SCNN1B: variants seen among roughly 807,000 people sequenced by gnomAD.
SCNN1B encodes the protein sodium channel epithelial 1 subunit beta, also known as epithelial sodium channel subunit beta.
A neutral mutation model predicts 65.3 loss-of-function variants in SCNN1B; 46 were observed. That is an observed-to-expected ratio of 0.70 (90% CI 0.56 to 0.90). The LOEUF is 0.90. SCNN1B is among the 40% of genes least tolerant of loss of function. The pLI is 0.00. For missense variants in SCNN1B, 751 were observed against 830.5 expected (o/e 0.90, Z 1.18); for synonymous variants, 349 against 330.6 (o/e 1.06, Z -0.60).
intron 1 of SCNN1B, among the ~76,000 whole-genome samples, chr16:23,308,264 T>A (rs900987503): frequency 6.6e-6 from 1 of 151,968 alleles, no homozygotes; most frequent in Non-Finnish European, 1.5e-5. Flanking sequence ...GGCTCCCACC[T>A]GGAATCCCAG....
At chr16:23,334,135 C>T (rs1463810109) in intron 1 of SCNN1B, among the ~76,000 whole-genome samples, 3 of 152,162 alleles carry the variant, frequency 2.0e-5, no homozygotes, top group Non-Finnish European at 2.9e-5. Context: ...CAACATGCCC[C>T]CAACAGGGTG....
At chr16:23,296,373 A>T (rs1241942408) in intron 2 of SCNN1B, among the ~76,000 whole-genome samples, 1 of 152,182 alleles carries the variant, frequency 6.6e-6, no homozygotes, top group Non-Finnish European at 1.5e-5. Context: ...TGATTTTTAA[A>T]CATTGGTTTG....
In SCNN1B at chr16:23,287,811, C is replaced by CTT. The variant is rs34743456; in HGVS notation, n.178+4020_178+4021dup. Among the ~76,000 whole-genome samples, 978 of 141,882 alleles carry CTT rather than the reference C, an allele frequency of 6.9e-3. 16 individuals carry two copies. The South Asian group carries it at 0.073, about 11-fold the overall frequency. 93.1% of individuals were successfully genotyped at this position (141,882 alleles called of 152,430 possible). A position where few individuals can be genotyped will look rare whatever the true frequency, so the allele number is the denominator to read the frequency against. On this transcript the variant is annotated intron_variant and non_coding_transcript_variant, in intron 2 of 3. Coordinates refer to the SCNN1B transcript ENST00000569789. ...TGGTATTGTAACTAAGTAGCGTTTC[C>CTT]TTTTTTTTTTTTTTAAGAGATGGGG...
chr16:23,305,755 AAAAG>A (rs1483782880), intron 1 of SCNN1B, among the ~76,000 whole-genome samples: 1 of 150,272 alleles, frequency 6.7e-6, no homozygotes, highest in African/African-American at 2.4e-5. Context: ...TCAAAAAAGG[AAAAG>A]AAAGAAAGAA....
chr16:23,285,275 C>A (rs1960833976), intron 2 of SCNN1B, among the ~76,000 whole-genome samples: 1 of 152,136 alleles, frequency 6.6e-6, no homozygotes, highest in African/African-American at 2.4e-5. Context: ...TGGGCTCAAG[C>A]TATCCTCTTG....
At position 23,361,869 on chromosome 16, in the gene SCNN1B, G is replaced by A. The variant is rs190060501; in HGVS notation, c.777-5987G>A. 1.2e-3 allele frequency among the ~76,000 whole-genome samples: 177 copies of A among 151,896 alleles called. 2 individuals carry two copies. The highest frequency in any genetic ancestry group is 6.0e-4 in the Non-Finnish European group (41 of 67,926). On this transcript the variant is annotated intron_variant, in intron 4 of 12. Transcript: ENST00000343070. ...CATACTGGAGTGCAGTGACACAATC[G>A]CGTGCCCGATTAATTTTTTTATTTT...
intron 1 of SCNN1B, among the ~76,000 whole-genome samples, chr16:23,307,224 A>G (rs1022979112): frequency 3.3e-5 from 5 of 151,868 alleles, no homozygotes; most frequent in African/African-American, 1.2e-4. Context: ...AATGCACTGC[A>G]CAGTTCCTAG....
intron 1 of SCNN1B, among the ~76,000 whole-genome samples, chr16:23,280,345 C>T (rs1164160974): frequency 2.0e-5 from 3 of 152,014 alleles, no homozygotes; most frequent in Non-Finnish European, 4.4e-5. Context: ...CCACCTCAGC[C>T]TCTTGAGTAG....
chr16:23,365,525 GAGAA>G (rs1269235894), intron 4 of SCNN1B, among the ~76,000 whole-genome samples: 5 of 140,756 alleles, frequency 3.6e-5, no homozygotes, highest in South Asian at 2.3e-4. Context: ...AAGAAAAAGA[GAGAA>G]AGAGAGAAGG....
At chr16:23,379,455 G>A (rs1962990566) in intron 11 of SCNN1B, among the ~76,000 whole-genome samples, 1 of 152,100 alleles carries the variant, frequency 6.6e-6, no homozygotes, top group African/African-American at 2.4e-5. Flanking sequence ...TAGGGAGGTG[G>A]CTTTGAGTGA....
rs181169380 is a variant in SCNN1B at position 23,290,451 on chromosome 16, G to A, written n.178+6647G>A. Among the ~76,000 whole-genome samples, 526 of 152,210 alleles carry A rather than the reference G, an allele frequency of 3.5e-3. 12 individuals carry two copies. The highest frequency in any genetic ancestry group is 9.3e-4 in the Non-Finnish European group (63 of 68,030). On this transcript the variant is annotated intron_variant and non_coding_transcript_variant, in intron 2 of 3. Transcript: ENST00000569789. ...GCCTCCCGAGTAGCTGGGACTACACGTGTGCACCACCATGTCTAGCTACTT... is the reference window on the plus strand; with the variant it reads ...GCCTCCCGAGTAGCTGGGACTACACATGTGCACCACCATGTCTAGCTACTT...
At chr16:23,316,172 A>G (rs1961455535) in intron 1 of SCNN1B, among the ~76,000 whole-genome samples, 1 of 151,176 alleles carries the variant, frequency 6.6e-6, no homozygotes, top group African/African-American at 2.4e-5. Flanking sequence ...CACCATCATC[A>G]TCATCACCAC....
chr16:23,380,317 C>G lies in SCNN1B; in HGVS notation c.1543-104C>G. 1 of 1,578,484 alleles carries G rather than the reference C, an allele frequency of 6.3e-7. No homozygotes were observed. On this transcript the variant is annotated intron_variant, in intron 12 of 12. Transcript: ENST00000343070. The surrounding 1 kb of genome is among the most constrained non-coding windows in gnomAD (Gnocchi z 5.4). ...TATTCCCCTGGGCCAAGATGGTCAC[C>G]CCCTCCCGTTCCCACCCAAGAATCA...
intron 5 of SCNN1B, among the ~76,000 whole-genome samples, chr16:23,369,549 G>A (rs1567315303): frequency 6.6e-6 from 1 of 152,078 alleles, no homozygotes; most frequent in Non-Finnish European, 1.5e-5. Flanking sequence ...GTGGTTTTGC[G>A]GCTTGTGAGC....
At chr16:23,342,783 T>C (rs533957248) in intron 1 of SCNN1B, among the ~76,000 whole-genome samples, 41 of 152,294 alleles carry the variant, frequency 2.7e-4, no homozygotes, top group Non-Finnish European at 3.5e-4. Context: ...GCTTGATTTA[T>C]ATGAAACATC....
intron 1 of SCNN1B, among the ~76,000 whole-genome samples, chr16:23,305,557 T>C (rs865818174): frequency 5.1e-5 from 3 of 58,758 alleles, no homozygotes; most frequent in Admixed American, 2.1e-4. Context: ...TATATATATA[T>C]ATATATATAT....
In SCNN1B at chr16:23,370,648, G is replaced by A. The variant is rs118128879; in HGVS notation, c.881-651G>A. On this transcript the variant is annotated intron_variant, in intron 5 of 12. Coordinates refer to ENST00000343070, the MANE Select transcript of SCNN1B (RefSeq NM_000336.3). ...AGGAAAGTTCCGGGGCTAGGAAAGT[G>A]TACAACCAAGACCCTGACACCTCGT... Among the ~76,000 whole-genome samples, 1,247 of 152,324 alleles carry A rather than the reference G, an allele frequency of 8.2e-3. 11 individuals are homozygous for A. The highest frequency in any genetic ancestry group is 0.014 in the Non-Finnish European group (968 of 68,026).
At chr16:23,292,718 G>A (rs1323497921) in intron 2 of SCNN1B, among the ~76,000 whole-genome samples, 1 of 148,972 alleles carries the variant, frequency 6.7e-6, no homozygotes, top group Non-Finnish European at 1.5e-5. Context: ...TGCCCAGGCT[G>A]GTCTCGAACT....
intron 4 of SCNN1B, among the ~76,000 whole-genome samples, chr16:23,362,110 C>T (rs907022909): frequency 4.0e-5 from 6 of 151,616 alleles, no homozygotes; most frequent in Admixed American, 2.6e-4. Flanking sequence ...TTTGGGAGGC[C>T]GAGGTGGAAG....
Sources: gnomAD v4.1 joint callset for allele counts (sites outside exome capture counted in the v4.1 genomes callset) on GRCh38, gnomAD v4.1.1 for gene constraint, Gnocchi (gnomAD v3.1) non-coding constraint, MANE v1.5 for transcripts, NCBI Gene and HGNC (gene_info 2026-07-23, HGNC 2026-07-21) for gene names.